TNIK: variants seen among roughly 807,000 people sequenced by gnomAD.
TNIK encodes TRAF2 and NCK interacting kinase.
Under a neutral mutation model 191.3 loss-of-function variants are expected in TNIK, and 49 were observed. The ratio of observed to expected loss-of-function variants is 0.26; its 90% CI spans 0.20 to 0.32. The LOEUF (loss-of-function observed/expected upper bound fraction) is 0.32, where lower values mean the gene tolerates loss of function less well. Ranked by LOEUF, TNIK falls within the 10% of genes least tolerant of loss-of-function variation. TNIK has a pLI of 1.00. For missense variants in TNIK, 1,155 were observed against 1,702.3 expected (o/e 0.68, Z 5.66); for synonymous variants, 594 against 600.9 (o/e 0.99, Z 0.17).
chr3:171,310,234 G>A (rs904530103), intron 2 of TNIK, among the ~76,000 whole-genome samples: 1 of 152,060 alleles, frequency 6.6e-6, no homozygotes. Flanking sequence ...CTATGGACTT[G>A]TCTGGACTGC....
intron 1 of TNIK, among the ~76,000 whole-genome samples, chr3:171,450,897 G>A (rs937984315): frequency 2.0e-5 from 3 of 152,212 alleles, no homozygotes; most frequent in Non-Finnish European, 4.4e-5. Flanking sequence ...AACTTATTAG[G>A]CTCCAGTTGG....
chr3:171,369,876 C>T (rs548892417), intron 1 of TNIK, among the ~76,000 whole-genome samples, 191 bp from the exon 2 acceptor site: 1 of 152,252 alleles, frequency 6.6e-6, no homozygotes, highest in Admixed American at 6.5e-5. Flanking sequence ...TAGCCAAGTT[C>T]TATTTTCTTT....
intron 24 of TNIK, among the ~76,000 whole-genome samples, chr3:171,086,495 A>G (rs1432092433): frequency 2.0e-5 from 3 of 152,218 alleles, no homozygotes; most frequent in Admixed American, 6.5e-5. Context: ...AAATGCCCAC[A>G]CAGCATGAAA....
intron 1 of TNIK, among the ~76,000 whole-genome samples, chr3:171,430,933 T>C (rs1560065538): frequency 6.6e-6 from 1 of 152,234 alleles, no homozygotes; most frequent in East Asian, 1.9e-4. Context: ...TAGACCTTAA[T>C]TTTAATCAAT....
intron 2 of TNIK, among the ~76,000 whole-genome samples, chr3:171,258,218 AT>A (rs1747132533): frequency 1.3e-5 from 2 of 152,198 alleles, no homozygotes; most frequent in Non-Finnish European, 2.9e-5. Flanking sequence ...ATTGGAAATG[AT>A]TTTTAAAAAC....
intron 7 of TNIK, among the ~76,000 whole-genome samples, chr3:171,188,100 A>G (rs1737592449): frequency 6.6e-6 from 1 of 152,252 alleles, no homozygotes. Context: ...GGAGAAATCT[A>G]TTTGAACACA....
rs78253813 is a variant in TNIK at position 171,379,391 on chromosome 3, T to A, written c.58-9706A>T. Among the ~76,000 whole-genome samples, 1,020 of 152,342 alleles carry A rather than the reference T, an allele frequency of 6.7e-3. 7 individuals carry two copies. Among genetic ancestry groups the A allele is most frequent in the African/African-American group, 0.023 (957 of 41,590 alleles). ...TTGTAACACTGACTTGAATATTTTT[T>A]CTGATTTTGGTGCATAGCACAGCTA... On this transcript the variant is annotated intron_variant, in intron 1 of 32. Transcript: ENST00000436636.
chr3:171,196,779 G>C (rs917627763), intron 4 of TNIK, among the ~76,000 whole-genome samples: 1 of 149,862 alleles, frequency 6.7e-6, no homozygotes, highest in African/African-American at 2.4e-5. Context: ...TTTTTTTTTT[G>C]TTTGAGACAG....
intron 1 of TNIK, among the ~76,000 whole-genome samples, chr3:171,415,280 T>C (rs934180139): frequency 5.9e-5 from 9 of 152,192 alleles, no homozygotes; most frequent in African/African-American, 2.2e-4. Context: ...ATCATAGCAC[T>C]TAACCACTAC....
chr3:171,120,842 A>T (rs1727630677), intron 18 of TNIK, among the ~76,000 whole-genome samples: 1 of 152,156 alleles, frequency 6.6e-6, no homozygotes, highest in South Asian at 2.1e-4. Flanking sequence ...GCAAAATAAG[A>T]AAGTGAGGCA....
Position 171,159,388 on chromosome 3 carries a change from C to T in TNIK, c.1017-1724G>A, listed in dbSNP as rs956297677. ...GGCAGTTAACAAGAGGACCAAGGAT[C>T]GGTTTTGGAGAGTAGTTAGTGTGCT... On this transcript the variant is annotated intron_variant, in intron 11 of 32. Transcript: ENST00000436636. The surrounding 1 kb of genome is among the most constrained non-coding windows in gnomAD (Gnocchi z 4.1). Among the ~76,000 whole-genome samples, 1 of 118,578 alleles carries T rather than the reference C, an allele frequency of 8.4e-6. No homozygotes were observed. Among genetic ancestry groups the T allele is most frequent in the Non-Finnish European group, 1.9e-5 (1 of 52,400 alleles). 77.8% of individuals were successfully genotyped at this position (118,578 alleles called of 152,430 possible). A position where few individuals can be genotyped will look rare whatever the true frequency, so the allele number is the denominator to read the frequency against.
In TNIK at chr3:171,460,354, A is replaced by C; in HGVS notation, c.-291T>G. The C allele has an allele frequency of 2.0e-6, 1 of 508,888 alleles. No homozygotes were observed. The allele number at this position is 508,888 out of a possible 1,614,324, so 31.5% of individuals were successfully genotyped here. ...GCTGGGGCTGCGTGGGTGTATTTAA[A>C]TGGGACATGCTTCTTTGCTTGTGCG... On this transcript the variant is annotated 5_prime_UTR_variant, in exon 1 of 33. Transcript: ENST00000436636. This position sits in a 1 kb window ranked among gnomAD's most constrained non-coding sequence, Gnocchi z 6.8.
chr3:171,073,483 C>T (rs1240305503), intron 28 of TNIK, among the ~76,000 whole-genome samples: 1 of 152,064 alleles, frequency 6.6e-6, no homozygotes, highest in Non-Finnish European at 1.5e-5. Context: ...ATGACTAACA[C>T]CTCAAAAGCA....
intron 2 of TNIK, among the ~76,000 whole-genome samples, chr3:171,243,986 C>T (rs796944225): frequency 2.0e-5 from 3 of 151,870 alleles, no homozygotes; most frequent in African/African-American, 7.2e-5. Flanking sequence ...TTTGTAAGGT[C>T]CTTCGAGAAA....
intron 10 of TNIK, among the ~76,000 whole-genome samples, chr3:171,162,534 T>C (rs552906522): frequency 6.6e-5 from 10 of 152,364 alleles, no homozygotes; most frequent in African/African-American, 2.4e-4. Flanking sequence ...TTTACATGTG[T>C]GAATGAATAA....
intron 2 of TNIK, among the ~76,000 whole-genome samples, chr3:171,337,639 C>A (rs1352613664): frequency 6.6e-6 from 1 of 152,182 alleles, no homozygotes; most frequent in Non-Finnish European, 1.5e-5. Context: ...ATACTTCTTA[C>A]CTGCTGACTG....
At chr3:171,069,778 G>C (rs896165378) in intron 29 of TNIK, among the ~76,000 whole-genome samples, 1 of 152,208 alleles carries the variant, frequency 6.6e-6, no homozygotes, top group Non-Finnish European at 1.5e-5. Context: ...ATCTGGGAGA[G>C]CATTTGTGAA....
At chr3:171,391,519 T>C (rs988178126) in intron 1 of TNIK, among the ~76,000 whole-genome samples, 1 of 152,230 alleles carries the variant, frequency 6.6e-6, no homozygotes, top group African/African-American at 2.4e-5. Flanking sequence ...CAAAATTGAC[T>C]GTAATAAATC....
chr3:171,071,515 T>C (rs1719173206), intron 28 of TNIK, 192 bp from the exon 29 acceptor site: 2 of 554,082 alleles, frequency 3.6e-6, no homozygotes, highest in African/African-American at 1.9e-5. Context: ...GAACTTTGGT[T>C]GGCAGAATAC....
Sources: gnomAD v4.1 joint callset for allele counts (sites outside exome capture counted in the v4.1 genomes callset) on GRCh38, gnomAD v4.1.1 for gene constraint, Gnocchi (gnomAD v3.1) non-coding constraint, MANE v1.5 for transcripts, NCBI Gene and HGNC (gene_info 2026-07-23, HGNC 2026-07-21) for gene names.